The following ENAM variants were observed in gnomAD, a reference collection of about 807,000 sequenced individuals.
ENAM encodes amelogenesis imperfecta 2, hypocalcification (autosomal dominant).
A neutral mutation model predicts 33.6 loss-of-function variants in ENAM; 21 were observed. The ratio of observed to expected loss-of-function variants is 0.63; its 90% CI spans 0.44 to 0.90. The LOEUF (loss-of-function observed/expected upper bound fraction) is 0.90, where lower values mean the gene tolerates loss of function less well. ENAM is among the 40% of genes least tolerant of loss of function. The pLI is 0.00. For synonymous variants in ENAM, 473 were observed against 468.4 expected (o/e 1.01, Z -0.13); for missense variants, 1,388 against 1,366.9 (o/e 1.02, Z -0.24).
rs748732764 is a variant in ENAM, at chr4:70,642,815, G to A, written c.1389G>A (p.Gln463=). Residue 463 remains glutamine, a synonymous_variant, in exon 9 of 9, where the codon CAG becomes CAA. Coordinates refer to ENST00000396073, the MANE Select transcript of ENAM (RefSeq NM_031889.3). ...NPTSPWRNSQ[Q]YEVNKSNYKL... ...CCAGCCCCTGGAGAAACTCTCAACAGTATGAAGTTAATAAATCAAATTATA... is the reference window on the plus strand; with the variant it reads ...CCAGCCCCTGGAGAAACTCTCAACAATATGAAGTTAATAAATCAAATTATA... The A allele has an allele frequency of 1.2e-6, 2 of 1,614,006 alleles. No homozygotes were observed. Among genetic ancestry groups the A allele is most frequent in the East Asian group, 2.2e-5 (1 of 44,862 alleles).
At position 70,644,051 on chromosome 4, in the gene ENAM, T is replaced by G; in HGVS notation, c.2625T>G (p.Cys875Trp). 6.2e-7 allele frequency: 1 copy of G among 1,614,158 alleles called. No homozygotes were observed. Among genetic ancestry groups the G allele is most frequent in the Non-Finnish European group, 8.5e-7 (1 of 1,180,002 alleles). ...LFHLSQRGSC[C>W]AGSSTGPKDN... ...ACCTAAGCCAGAGAGGCTCTTGCTGTGCTGGTAGCTCCACAGGGCCCAAGG... is the reference window on the plus strand; with the variant it reads ...ACCTAAGCCAGAGAGGCTCTTGCTGGGCTGGTAGCTCCACAGGGCCCAAGG... The change falls in exon 9 of 9, where the codon TGT (cysteine) becomes TGG (tryptophan). Residue 875 changes from cysteine to tryptophan, a missense_variant. Coordinates refer to ENST00000396073, the MANE Select transcript of ENAM (RefSeq NM_031889.3).
chr4:70,632,951 T>C (rs1356207094), intron 5 of ENAM, among the ~76,000 whole-genome samples: 1 of 152,108 alleles, frequency 6.6e-6, no homozygotes, highest in African/African-American at 2.4e-5. Context: ...GAGTCTCAAA[T>C]GTATAGTCAA....
At position 70,635,883 on chromosome 4, in the gene ENAM, C is replaced by T. The variant is rs762379410; in HGVS notation, c.523C>T (p.Gln175Ter). 1 of 1,602,592 alleles carries T rather than the reference C, an allele frequency of 6.2e-7. No homozygotes were observed. Among genetic ancestry groups the T allele is most frequent in the Non-Finnish European group, 8.5e-7 (1 of 1,170,738 alleles). ...GLFPYQQPPWQIPQRLPPPGY... is the reference protein window; with the variant it reads ...GLFPYQQPPW ...ATTCCCCTATCAACAACCACCATGG[C>T]AAATTCCACAGGTGAGAAATTTTTT... is the stretch of plus-strand genomic sequence containing the variant. Residue 175 changes from glutamine (Q) to a stop codon, truncating the protein, a stop_gained, in exon 7 of 9, where the codon CAA becomes TAA. Transcript: ENST00000396073. LOFTEE classifies it high-confidence loss of function.
chr4:70,634,009 C>G (rs1738387886), intron 5 of ENAM, among the ~76,000 whole-genome samples: 1 of 152,134 alleles, frequency 6.6e-6, no homozygotes, highest in Admixed American at 6.6e-5. Flanking sequence ...TTGTATACTT[C>G]TGACCTGAGT....
In ENAM at chr4:70,634,345, C is replaced by T. The variant is rs1273406834; in HGVS notation, c.248C>T (p.Pro83Leu). 3.7e-6 allele frequency: 6 copies of T among 1,613,946 alleles called. No individual in the cohort carries two copies. In the Admixed American group the frequency reaches 1.0e-4, roughly 27 times the overall value. The change falls in exon 6 of 9, where the codon CCT becomes CTT. Residue 83 changes from proline (P) to leucine (L), a missense_variant. Physicochemically the swap from Pro to Leu is moderately conservative, Grantham distance 98 (BLOSUM62 -3). Transcript: ENST00000396073. ...HLGPFFGNGL[P>L]QQFPQYQMPM... ...GGGCCCTTCTTTGGAAACGGTCTCC[C>T]TCAGCAATTTCCACAGTACCAGATG...
rs777993276 is a variant in ENAM at position 70,642,777 on chromosome 4, A to G, written c.1351A>G (p.Thr451Ala). Reference sequence around the variant, plus strand: ...TCCAAAAGAACAAATAATAGTTCCTACAAAGAATCCAACCAGCCCCTGGAG... The same window carrying G: ...TCCAAAAGAACAAATAATAGTTCCTGCAAAGAATCCAACCAGCCCCTGGAG... ...LGPKEQIIVP[T>A]KNPTSPWRNS... Residue 451 changes from threonine (T) to alanine (A), a missense_variant, in exon 9 of 9, where the codon ACA becomes GCA. Physicochemically the swap from Thr to Ala is moderately conservative, Grantham distance 58. Transcript: ENST00000396073. The G allele has an allele frequency of 1.2e-6, 2 of 1,613,364 alleles. No homozygotes were observed. Among genetic ancestry groups the G allele is most frequent in the South Asian group, 2.2e-5 (2 of 90,850 alleles).
chr4:70,644,673 G>T lies in ENAM; in HGVS notation c.3247G>T (p.Asp1083Tyr), dbSNP rs1230247747. Residue 1083 changes from aspartate (D) to tyrosine (Y), a missense_variant, in exon 9 of 9, where the codon GAT becomes TAT. Asp to Tyr is a radical substitution (Grantham distance 160, BLOSUM62 -3). Coordinates refer to ENST00000396073, the MANE Select transcript of ENAM (RefSeq NM_031889.3). The stretch of plus-strand genomic sequence containing the variant: ...TAGCGATGGAAGGCAAAGCCCATTT[G>T]ATGGGGATTCAATTACGCCTACTGA... Reference protein sequence around the residue: ...PSSDGRQSPFDGDSITPTENP... With the variant: ...PSSDGRQSPFYGDSITPTENP... 1 of 1,614,054 alleles carries T rather than the reference G, an allele frequency of 6.2e-7. No individual in the cohort carries two copies. Among genetic ancestry groups the T allele is most frequent in the Non-Finnish European group, 8.5e-7 (1 of 1,180,022 alleles).
Position 70,642,660 on chromosome 4 carries a change from C to T in ENAM, c.1234C>T (p.Pro412Ser). The T allele has an allele frequency of 6.2e-7, 1 of 1,612,934 alleles. No homozygotes were observed. The highest frequency in any genetic ancestry group is 8.5e-7 in the Non-Finnish European group (1 of 1,179,638). The change falls in exon 9 of 9, where the codon CCT becomes TCT. Residue 412 changes from proline (P) to serine (S), a missense_variant. Transcript: ENST00000396073. ...RRKPQGPNKH[P>S]VGTTVAPLGP... ...AAAGCCTCAGGGGCCAAATAAACACCCTGTAGGAACTACTGTTGCCCCACT... is the reference window on the plus strand; with the variant it reads ...AAAGCCTCAGGGGCCAAATAAACACTCTGTAGGAACTACTGTTGCCCCACT...
At chr4:70,641,822 A>G (rs192842538) in intron 8 of ENAM, among the ~76,000 whole-genome samples, 193 bp from the exon 9 acceptor site, 2 of 152,330 alleles carry the variant, frequency 1.3e-5, no homozygotes, top group East Asian at 3.8e-4. Context: ...AGAAAAAAAT[A>G]CCAGGAGAGA....
At chr4:70,637,936 A>G (rs1738499951) in intron 8 of ENAM, 93 bp downstream of exon 8, 2 of 969,680 alleles carry the variant, frequency 2.1e-6, no homozygotes, top group African/African-American at 1.6e-5. Flanking sequence ...TTAAAATCCA[A>G]CACATGAACC....
chr4:70,635,786 T>C (rs1437814116), intron 6 of ENAM, 46 bp from the exon 7 acceptor site: 2 of 1,196,528 alleles, frequency 1.7e-6, no homozygotes, highest in East Asian at 2.3e-5. Context: ...TTTTTTTATG[T>C]ATTCTTTTCA....
Position 70,642,413 on chromosome 4 carries a change from T to C in ENAM, c.987T>C (p.Pro329=). ...CATATCCTAATATAAGAAATTTTCC[T>C]TCAGGAAGACAGTGGTATTTCACTG... ...NHPYPNIRNF[P]SGRQWYFTGT... Residue 329 remains proline, a synonymous_variant, in exon 9 of 9, where the codon CCT becomes CCC. Coordinates refer to ENST00000396073, the MANE Select transcript of ENAM (RefSeq NM_031889.3). 1.2e-6 allele frequency: 2 copies of C among 1,614,160 alleles called. No individual in the cohort carries two copies. Among genetic ancestry groups the C allele is most frequent in the Non-Finnish European group, 1.7e-6 (2 of 1,180,028 alleles).
intron 2 of ENAM, among the ~76,000 whole-genome samples, chr4:70,630,439 A>G (rs1367620856): frequency 6.6e-6 from 1 of 152,222 alleles, no homozygotes; most frequent in Non-Finnish European, 1.5e-5. Context: ...ATGAAAATGA[A>G]TCATTCTGAT....
rs746830603 is a variant in ENAM, at chr4:70,643,183, A to G, written c.1757A>G (p.His586Arg). The G allele has an allele frequency of 1.2e-6, 2 of 1,613,888 alleles. No homozygotes were observed. The highest frequency in any genetic ancestry group is 1.7e-6 in the Non-Finnish European group (2 of 1,179,934). ...FKEDPGRQEE[H>R]LPHPSHGSRG... ...GAAGATCCAGGGAGGCAAGAAGAACATTTACCCCATCCTTCCCATGGTTCT... is the reference window on the plus strand; with the variant it reads ...GAAGATCCAGGGAGGCAAGAAGAACGTTTACCCCATCCTTCCCATGGTTCT... The change falls in exon 9 of 9, where the codon CAT becomes CGT. Residue 586 changes from histidine to arginine, a missense_variant. By Grantham distance (29) the His-to-Arg change is conservative. Transcript: ENST00000396073.
chr4:70,635,690 G>C, intron 6 of ENAM, 142 bp from the exon 7 acceptor site: 1 of 660,764 alleles, frequency 1.5e-6, no homozygotes, highest in South Asian at 1.9e-5. Flanking sequence ...TATCATTATC[G>C]TCTTTGCCCT....
At chr4:70,638,246 C>T (rs1184612765) in intron 8 of ENAM, among the ~76,000 whole-genome samples, 1 of 152,052 alleles carries the variant, frequency 6.6e-6, no homozygotes, top group Non-Finnish European at 1.5e-5. Flanking sequence ...TACTATACCA[C>T]ACTAGGAGAA....
chr4:70,643,217 T>C lies in ENAM; in HGVS notation c.1791T>C (p.Ser597=), dbSNP rs1181723604. The change falls in exon 9 of 9, where the codon AGT becomes AGC. Residue 597 remains serine, a synonymous_variant. Transcript: ENST00000396073. ...ATCCTTCCCATGGTTCTAGAGGAAG[T>C]GTTTTCTACCCTGAATATAACCCAT... is the stretch of plus-strand genomic sequence containing the variant. The part of the protein sequence containing the change: ...LPHPSHGSRG[S]VFYPEYNPYD... The C allele has an allele frequency of 8.1e-6, 13 of 1,613,688 alleles. No individual in the cohort carries two copies. The highest frequency in any genetic ancestry group is 1.7e-5 in the Admixed American group (1 of 59,964).
rs772907699 is a variant in ENAM at position 70,644,733 on chromosome 4, G to A, written c.3307G>A (p.Glu1103Lys). The change falls in exon 9 of 9, where the codon GAA becomes AAA. Residue 1103 changes from glutamate (E) to lysine (K), a missense_variant. Transcript: ENST00000396073. The stretch of plus-strand genomic sequence containing the variant: ...CACATTGGTTGAGTTAGCTACTGAG[G>A]AACAATTTAAGAGTATAAATGTAGA... ...PNTLVELATEEQFKSINVDPL... is the reference protein window; with the variant it reads ...PNTLVELATEKQFKSINVDPL... The A allele has an allele frequency of 1.9e-6, 3 of 1,613,904 alleles. No individual in the cohort carries two copies. In the African/African-American group the frequency reaches 4.0e-5, roughly 22 times the overall value.
chr4:70,643,676 T>C lies in ENAM; in HGVS notation c.2250T>C (p.Asn750=), dbSNP rs1738673017. 1.2e-6 allele frequency: 2 copies of C among 1,614,032 alleles called. No homozygotes were observed. Among genetic ancestry groups the C allele is most frequent in the Non-Finnish European group, 8.5e-7 (1 of 1,180,022 alleles). Reference sequence around the variant, plus strand: ...AGAGCAGGGGCTACTACGTTAATAATGCCGCTGGACCAGAAGAAAGCACTC... The same window carrying C: ...AGAGCAGGGGCTACTACGTTAATAACGCCGCTGGACCAGAAGAAAGCACTC... ...PIESRGYYVN[N]AAGPEESTLF... Residue 750 remains asparagine (N), a synonymous_variant, in exon 9 of 9, where the codon AAT becomes AAC. Coordinates refer to ENST00000396073, the MANE Select transcript of ENAM (RefSeq NM_031889.3).
Sources: gnomAD v4.1 joint callset for allele counts (sites outside exome capture counted in the v4.1 genomes callset) on GRCh38, gnomAD v4.1.1 for gene constraint, MANE v1.5 for transcripts, NCBI Gene and HGNC (gene_info 2026-07-23, HGNC 2026-07-21) for gene names.